The following PHAF1 variants were observed in gnomAD, a reference collection of about 807,000 sequenced individuals.
PHAF1 encodes the protein phagophore assembly factor 1.
A neutral mutation model predicts 63.1 loss-of-function variants in PHAF1; 23 were observed. The observed-to-expected ratio is 0.36, with a 90% CI of 0.26 to 0.52. PHAF1 has a LOEUF of 0.52. PHAF1 is among the 20% of genes least tolerant of loss of function. PHAF1 has a pLI of 0.93. For synonymous variants in PHAF1, 167 were observed against 185.0 expected (o/e 0.90, Z 0.79); for missense variants, 427 against 517.2 (o/e 0.83, Z 1.69).
At chr16:67,131,172 T>A (rs1479399903) in intron 3 of PHAF1, 114 bp from the exon 4 acceptor site, 4 of 586,430 alleles carry the variant, frequency 6.8e-6, no homozygotes, top group Non-Finnish European at 8.2e-6. Flanking sequence ...AAATTTCTAT[T>A]GGTAATAGTT....
intron 1 of PHAF1, among the ~76,000 whole-genome samples, chr16:67,113,931 G>T (rs752977051): frequency 6.6e-6 from 1 of 151,848 alleles, no homozygotes; most frequent in East Asian, 1.9e-4. Context: ...TCGAACTCCT[G>T]ACTTCAAGTG....
chr16:67,128,320 C>T (rs189267373), intron 3 of PHAF1, among the ~76,000 whole-genome samples: 258 of 152,262 alleles, frequency 1.7e-3, no homozygotes, highest in South Asian at 2.1e-3. Flanking sequence ...TAAAATCAAA[C>T]CGGCAATCCT....
intron 1 of PHAF1, among the ~76,000 whole-genome samples, chr16:67,118,250 G>A (rs1962826674): frequency 6.7e-6 from 1 of 149,016 alleles, no homozygotes; most frequent in Admixed American, 6.7e-5. Flanking sequence ...TGGGATTACG[G>A]ACGTGAGCCA....
At chr16:67,133,512 A>C (rs1362731181) in intron 6 of PHAF1, among the ~76,000 whole-genome samples, 17 of 149,270 alleles carry the variant, frequency 1.1e-4, no homozygotes, top group African/African-American at 3.7e-4. Flanking sequence ...AAAAAAAAAA[A>C]AAAAAAAAAA....
At chr16:67,134,853 T>G (rs960113506) in intron 8 of PHAF1, 15 of 379,588 alleles carry the variant, frequency 4.0e-5, no homozygotes, top group Non-Finnish European at 5.2e-5. Context: ...ACCATCACCT[T>G]GGTGGTTAGG....
intron 15 of PHAF1, 47 bp from the exon 16 acceptor site, chr16:67,146,998 A>G (rs377734987): frequency 2.9e-5 from 44 of 1,519,858 alleles, no homozygotes; most frequent in Non-Finnish European, 3.8e-5. Context: ...ATCTGCCTAC[A>G]TCCCTTTACC....
At chr16:67,121,452 T>C (rs1962971448) in intron 2 of PHAF1, among the ~76,000 whole-genome samples, 1 of 147,108 alleles carries the variant, frequency 6.8e-6, no homozygotes, top group Admixed American at 6.8e-5. Flanking sequence ...TCTGCCCGCC[T>C]CGACCTCCCA....
At chr16:67,138,477 A>G (rs1190367016) in intron 8 of PHAF1, among the ~76,000 whole-genome samples, 1 of 152,078 alleles carries the variant, frequency 6.6e-6, no homozygotes. Flanking sequence ...TTATCATGGC[A>G]CCAAGAATTA....
At position 67,134,374 on chromosome 16, in the gene PHAF1, A is replaced by C. The variant is rs769877201; in HGVS notation, c.568A>C (p.Ser190Arg). Residue 190 changes from serine (S) to arginine (R), a missense_variant, in exon 8 of 16, where the codon AGC becomes CGC. Ser to Arg is a moderately radical substitution (Grantham distance 110). Transcript: ENST00000219139. ...CCCCAGGGCTCCCATGATGCCTCTG[A>C]GCTGTTTCCTGGGCAATGTCTATGC... is the stretch of plus-strand genomic sequence containing the variant. Reference protein sequence around the residue: ...QDTKAPMMPLSCFLGNVYAES... With the variant: ...QDTKAPMMPLRCFLGNVYAES... 2 of 1,613,892 alleles carry C rather than the reference A, an allele frequency of 1.2e-6. No individual in the cohort carries two copies. Among genetic ancestry groups the C allele is most frequent in the South Asian group, 2.2e-5 (2 of 91,074 alleles).
chr16:67,120,305 G>A (rs761914392), intron 2 of PHAF1, 111 bp downstream of exon 2: 6 of 967,494 alleles, frequency 6.2e-6, no homozygotes, highest in Non-Finnish European at 9.3e-6. Context: ...GTTCGAATGG[G>A]AGAATCTCTA....
intron 1 of PHAF1, among the ~76,000 whole-genome samples, chr16:67,117,786 T>C (rs1400094276): frequency 6.7e-6 from 1 of 149,974 alleles, no homozygotes; most frequent in African/African-American, 2.4e-5. Context: ...AAAAGAGATA[T>C]TCAGGAATGC....
In PHAF1 at chr16:67,147,053, G is replaced by A. The variant is rs780786705; in HGVS notation, c.1191G>A (p.Gln397=). Residue 397 remains glutamine (Q), a synonymous_variant, in exon 16 of 16, where the codon CAG becomes CAA. Transcript: ENST00000219139. Reference sequence around the variant, plus strand: ...TCCTCTTCTCACACCAGGTCATGCAGAACAACCACATTGCCTCGGTGACCC... The same window carrying A: ...TCCTCTTCTCACACCAGGTCATGCAAAACAACCACATTGCCTCGGTGACCC... ...GLQRMIFEVM[Q]NNHIASVTLY... The A allele has an allele frequency of 2.5e-6, 4 of 1,613,886 alleles. No individual in the cohort carries two copies. The highest frequency in any genetic ancestry group is 3.4e-6 in the Non-Finnish European group (4 of 1,179,862).
At chr16:67,140,367 G>T in intron 9 of PHAF1, 144 bp from the exon 10 acceptor site, 1 of 832,446 alleles carries the variant, frequency 1.2e-6, no homozygotes, top group Non-Finnish European at 1.9e-6. Context: ...CTCCTAGATT[G>T]GTCAGCACCA....
At chr16:67,133,466 C>T (rs1228317916) in intron 6 of PHAF1, among the ~76,000 whole-genome samples, 1 of 141,742 alleles carries the variant, frequency 7.1e-6, no homozygotes, top group African/African-American at 2.7e-5. Flanking sequence ...ACCACGTTGG[C>T]CAACATGGTG....
intron 10 of PHAF1, among the ~76,000 whole-genome samples, chr16:67,140,967 T>A (rs1963787532): frequency 6.6e-6 from 1 of 151,862 alleles, no homozygotes; most frequent in South Asian, 2.1e-4. Flanking sequence ...GACAGTGGGG[T>A]GTGCTTGTAT....
intron 14 of PHAF1, among the ~76,000 whole-genome samples, chr16:67,145,838 C>T (rs1249449939): frequency 2.6e-5 from 4 of 152,220 alleles, no homozygotes; most frequent in Non-Finnish European, 4.4e-5. Flanking sequence ...CCAGGGGTAG[C>T]TCCCCTCTCC....
Position 67,134,405 on chromosome 16 carries a change from G to A in PHAF1, c.599G>A (p.Ser200Asn), listed in dbSNP as rs1963532968. Residue 200 changes from serine to asparagine, a missense_variant, in exon 8 of 16, where the codon AGT becomes AAT. Ser to Asn is a conservative substitution (Grantham distance 46). Coordinates refer to ENST00000219139, the MANE Select transcript of PHAF1 (RefSeq NM_025187.5). ...TTCCTGGGCAATGTCTATGCTGAGAGTGTAGATGTTCTTCGAGATGGAACT... is the reference window on the plus strand; with the variant it reads ...TTCCTGGGCAATGTCTATGCTGAGAATGTAGATGTTCTTCGAGATGGAACT... ...SCFLGNVYAESVDVLRDGTGP... is the reference protein window; with the variant it reads ...SCFLGNVYAENVDVLRDGTGP... 6.2e-7 allele frequency: 1 copy of A among 1,614,068 alleles called. No individual in the cohort carries two copies. Among genetic ancestry groups the A allele is most frequent in the African/African-American group, 1.3e-5 (1 of 74,934 alleles).
intron 1 of PHAF1, among the ~76,000 whole-genome samples, chr16:67,110,802 G>T (rs1035728576): frequency 6.6e-6 from 1 of 152,118 alleles, no homozygotes; most frequent in Admixed American, 6.6e-5. Context: ...CAGCTGACTT[G>T]CTTCTCTCTT....
At chr16:67,146,224 C>T in intron 14 of PHAF1, 54 bp from the exon 15 acceptor site, 2 of 1,521,060 alleles carry the variant, frequency 1.3e-6, no homozygotes, top group South Asian at 1.1e-5. Flanking sequence ...GGATCCCTTG[C>T]TTTAAGGCCG....
Sources: allele counts gnomAD v4.1 joint callset (sites outside exome capture counted in the v4.1 genomes callset), GRCh38; gene constraint gnomAD v4.1.1; transcripts MANE v1.5; gene names NCBI Gene and HGNC (gene_info 2026-07-23, HGNC 2026-07-21).